Variants in CPNE4 observed in about 807,000 individuals in gnomAD.
CPNE4 encodes the protein copine-4.
CPNE4 carries 25 observed loss-of-function variants against 67.9 expected under a neutral mutation model. The ratio of observed to expected loss-of-function variants is 0.37; its 90% CI spans 0.27 to 0.51. The LOEUF (loss-of-function observed/expected upper bound fraction) is 0.51, where lower values mean the gene tolerates loss of function less well. CPNE4 is among the 20% of genes least tolerant of loss of function. The pLI, the probability that CPNE4 is intolerant of heterozygous loss-of-function variation, is 0.93. For synonymous variants in CPNE4, 242 were observed against 244.9 expected, an observed-to-expected ratio of 0.99 and a Z score of 0.11; for missense variants, 464 against 690.8, an observed-to-expected ratio of 0.67 and a Z score of 3.68.
intron 2 of CPNE4, among the ~76,000 whole-genome samples, chr3:131,853,925 G>A (rs1468395150): frequency 2.6e-5 from 4 of 151,822 alleles, no homozygotes; most frequent in African/African-American, 4.8e-5. Context: ...TGGAAATCTC[G>A]TTCACTTTTG....
intron 2 of CPNE4, among the ~76,000 whole-genome samples, chr3:131,730,860 C>G (rs2082112238): frequency 1.3e-5 from 2 of 152,126 alleles, no homozygotes; most frequent in Non-Finnish European, 2.9e-5. Flanking sequence ...GACTTCTAGC[C>G]TCCAGAACTG....
chr3:131,539,241 A>C (rs1935344595), intron 15 of CPNE4, among the ~76,000 whole-genome samples: 1 of 152,218 alleles, frequency 6.6e-6, no homozygotes, highest in South Asian at 2.1e-4. Flanking sequence ...CAGAGCAGCC[A>C]GAGAATCTGT....
At chr3:131,772,868 C>T (rs1026684259) in intron 2 of CPNE4, among the ~76,000 whole-genome samples, 2 of 152,086 alleles carry the variant, frequency 1.3e-5, no homozygotes, top group African/African-American at 4.8e-5. Context: ...TGCCCCTGGG[C>T]TGATGTGCTT....
At chr3:131,908,659 T>C (rs1340239585) in intron 1 of CPNE4, among the ~76,000 whole-genome samples, 1 of 152,166 alleles carries the variant, frequency 6.6e-6, no homozygotes, top group Non-Finnish European at 1.5e-5. Context: ...GAAATACATA[T>C]TGTATTTTTA....
chr3:131,614,929 C>T (rs1240159945), intron 7 of CPNE4, among the ~76,000 whole-genome samples: 14 of 152,116 alleles, frequency 9.2e-5, no homozygotes, highest in Non-Finnish European at 1.8e-4. Flanking sequence ...CTGCATTGTT[C>T]TCAGGGAAAA....
chr3:131,873,660 G>A (rs560619825), intron 2 of CPNE4, among the ~76,000 whole-genome samples: 1 of 152,296 alleles, frequency 6.6e-6, no homozygotes, highest in South Asian at 2.1e-4. Context: ...GATATGTGCT[G>A]AAAATTCAGT....
chr3:131,574,792 T>C (rs1937509210), intron 10 of CPNE4, among the ~76,000 whole-genome samples: 1 of 152,096 alleles, frequency 6.6e-6, no homozygotes, highest in South Asian at 2.1e-4. Context: ...CCTCACATAG[T>C]TACTGAAGAA....
intron 1 of CPNE4, among the ~76,000 whole-genome samples, chr3:132,008,495 A>G (rs2073663966): frequency 6.6e-6 from 1 of 152,190 alleles, no homozygotes; most frequent in Admixed American, 6.5e-5. Context: ...CAACTCATCC[A>G]TGCTTTACAT....
chr3:131,977,867 G>T (rs2072708921), intron 1 of CPNE4, among the ~76,000 whole-genome samples: 1 of 150,724 alleles, frequency 6.6e-6, no homozygotes, highest in African/African-American at 2.5e-5. Context: ...AAAGTCCACT[G>T]TGTCATTCTT....
chr3:132,037,696 T>A, upstream of CPNE4: 3 of 1,170,812 alleles, frequency 2.6e-6, no homozygotes, highest in South Asian at 2.6e-5. Flanking sequence ...CTGGGTAGAT[T>A]CACTCGCCGG....
chr3:132,022,244 T>A (rs2074014382), intron 1 of CPNE4, among the ~76,000 whole-genome samples: 2 of 152,144 alleles, frequency 1.3e-5, no homozygotes, highest in Non-Finnish European at 2.9e-5. Context: ...TGTGCCTGCT[T>A]TAGAGAAAAG....
chr3:131,979,279 G>A (rs1319812290), intron 1 of CPNE4, among the ~76,000 whole-genome samples: 1 of 152,034 alleles, frequency 6.6e-6, no homozygotes, highest in Non-Finnish European at 1.5e-5. Flanking sequence ...GCTGTCAGTG[G>A]AGTCTTAAAG....
intron 2 of CPNE4, among the ~76,000 whole-genome samples, chr3:131,803,151 C>T (rs932862130): frequency 6.6e-6 from 1 of 152,186 alleles, no homozygotes; most frequent in African/African-American, 2.4e-5. Context: ...CTGGCTCTAC[C>T]ATTAGCCAGG....
intron 1 of CPNE4, among the ~76,000 whole-genome samples, chr3:131,970,304 A>C (rs775764695): frequency 5.0e-4 from 76 of 152,342 alleles, no homozygotes; most frequent in Non-Finnish European, 7.8e-4. Context: ...TAGCCAAAGC[A>C]AGACATGAGC....
chr3:131,870,252 G>T (rs1335613073), intron 2 of CPNE4, among the ~76,000 whole-genome samples: 2 of 152,134 alleles, frequency 1.3e-5, no homozygotes, highest in Non-Finnish European at 2.9e-5. Flanking sequence ...TATCCACTCA[G>T]TTATGAAATA....
At chr3:131,952,139 A>G (rs2071753665) in intron 1 of CPNE4, among the ~76,000 whole-genome samples, 2 of 144,860 alleles carry the variant, frequency 1.4e-5, no homozygotes, top group African/African-American at 5.2e-5. Flanking sequence ...CCCGGCCGCC[A>G]TCACATCTAG....
intron 2 of CPNE4, among the ~76,000 whole-genome samples, chr3:131,723,957 C>A (rs2081946823): frequency 6.6e-6 from 1 of 150,914 alleles, no homozygotes; most frequent in Non-Finnish European, 1.5e-5. Context: ...AGTGGGTGAA[C>A]ATTATGAACA....
intron 2 of CPNE4, among the ~76,000 whole-genome samples, chr3:131,870,188 C>T (rs1466516369): frequency 6.6e-6 from 1 of 152,166 alleles, no homozygotes; most frequent in Non-Finnish European, 1.5e-5. Flanking sequence ...CTAGGGCTCA[C>T]ATGGCTGCCT....
chr3:131,853,389 T>G (rs1353820546), intron 2 of CPNE4, among the ~76,000 whole-genome samples: 1 of 151,754 alleles, frequency 6.6e-6, no homozygotes, highest in African/African-American at 2.4e-5. Flanking sequence ...GTGTGTATAC[T>G]CTCAAATCTT....
Sources: gnomAD v4.1 joint callset for allele counts (sites outside exome capture counted in the v4.1 genomes callset) on GRCh38, gnomAD v4.1.1 for gene constraint, MANE v1.5 for transcripts, NCBI Gene and HGNC (gene_info 2026-07-23, HGNC 2026-07-21) for gene names.